NAB1: variants seen among roughly 807,000 people sequenced by gnomAD.
NAB1 encodes NGFI-A-binding protein 1.
A neutral mutation model predicts 49.9 loss-of-function variants in NAB1; 25 were observed. The observed-to-expected ratio is 0.50, with a 90% CI of 0.37 to 0.70. NAB1 has a LOEUF of 0.70. Ranked by LOEUF, NAB1 falls within the 30% of genes least tolerant of loss-of-function variation. The pLI is 0.00. For missense variants in NAB1, 489 were observed against 575.9 expected (o/e 0.85, Z 1.54); for synonymous variants, 198 against 215.6 (o/e 0.92, Z 0.71).
intron 4 of NAB1, among the ~76,000 whole-genome samples, chr2:190,665,192 G>A (rs1266813950): frequency 1.3e-5 from 2 of 151,878 alleles, no homozygotes; most frequent in East Asian, 1.9e-4. Flanking sequence ...GCGTGGTGGC[G>A]GGCACCTGTA....
In NAB1 at chr2:190,659,650, C is replaced by T. The variant is rs1694114877; in HGVS notation, c.474C>T (p.Ser158=). Reference sequence around the variant, plus strand: ...TAGCACTGCAGAGTGTTGGTGAGTCCAGACTCTGGCAAGGCCACCATGCCA... The same window carrying T: ...TAGCACTGCAGAGTGTTGGTGAGTCTAGACTCTGGCAAGGCCACCATGCCA... ...GSLALQSVGE[S]RLWQGHHATE... The change falls in exon 4 of 10, where the codon TCC becomes TCT. Residue 158 remains serine (S), a synonymous_variant. Transcript: ENST00000337386. This position sits in a 1 kb window ranked among gnomAD's most constrained non-coding sequence, Gnocchi z 6.2. 2 of 1,613,786 alleles carry T rather than the reference C, an allele frequency of 1.2e-6. No homozygotes were observed. The highest frequency in any genetic ancestry group is 1.1e-5 in the South Asian group (1 of 91,064).
rs1048671547 is a variant in NAB1, at chr2:190,691,880, C to G, written c.*1547C>G. ...AGATGAAATGTCTGCACTGTAGTCT[C>G]AGATCACTGTCACGTATATAAATTG... On this transcript the variant is annotated 3_prime_UTR_variant, in exon 10 of 10. Transcript: ENST00000337386. The surrounding 1 kb of genome is among the most constrained non-coding windows in gnomAD (Gnocchi z 4.1). 6.6e-6 allele frequency: 1 copy of G among 152,312 alleles called. No individual in the cohort carries two copies. Among genetic ancestry groups the G allele is most frequent in the African/African-American group, 2.4e-5 (1 of 41,442 alleles). 9.4% of individuals were successfully genotyped at this position (152,312 alleles called of 1,614,324 possible). A position where few individuals can be genotyped will look rare whatever the true frequency, so the allele number is the denominator to read the frequency against.
In NAB1 at chr2:190,692,489, A is replaced by G. The variant is rs575001022; in HGVS notation, c.*2156A>G. ...TAAACACTAATGTATTAAACTTGCT[A>G]TACATTAAAGCAAATAATATATATT... On this transcript the variant is annotated 3_prime_UTR_variant, in exon 10 of 10. Transcript: ENST00000337386. This position sits in a 1 kb window ranked among gnomAD's most constrained non-coding sequence, Gnocchi z 5.2. 27 of 152,782 alleles carry G rather than the reference A, an allele frequency of 1.8e-4. No individual in the cohort carries two copies. In the South Asian group the frequency reaches 5.6e-3, roughly 32 times the overall value. 9.5% of individuals were successfully genotyped at this position (152,782 alleles called of 1,614,324 possible). A position where few individuals can be genotyped will look rare whatever the true frequency, so the allele number is the denominator to read the frequency against.
intron 3 of NAB1, among the ~76,000 whole-genome samples, chr2:190,658,492 A>G (rs1694045585): frequency 6.6e-6 from 1 of 152,220 alleles, no homozygotes; most frequent in Admixed American, 6.5e-5. Flanking sequence ...GTCAATAAAG[A>G]GTAACTTCCT....
rs1289423864 is a variant in NAB1 at position 190,657,189 on chromosome 2, G to A, written c.-20+1036G>A. 1.3e-5 allele frequency among the ~76,000 whole-genome samples: 2 copies of A among 152,120 alleles called. No homozygotes were observed. The highest frequency in any genetic ancestry group is 2.4e-5 in the African/African-American group (1 of 41,436). On this transcript the variant is annotated intron_variant, in intron 3 of 9. Coordinates refer to ENST00000337386, the MANE Select transcript of NAB1 (RefSeq NM_005966.4). This position sits in a 1 kb window ranked among gnomAD's most constrained non-coding sequence, Gnocchi z 4.4. Reference sequence around the variant, plus strand: ...TAGTTTAATATAGCTCTAAACTTGGGTCTGTAACTCCTGAGAGCTCTGTTT... The same window carrying A: ...TAGTTTAATATAGCTCTAAACTTGGATCTGTAACTCCTGAGAGCTCTGTTT...
rs1422185394 is a variant in NAB1, at chr2:190,649,400, A to G, written c.-334+40A>G. On this transcript the variant is annotated intron_variant, in intron 1 of 9. Coordinates refer to ENST00000337386, the MANE Select transcript of NAB1 (RefSeq NM_005966.4). The surrounding 1 kb of genome is among the most constrained non-coding windows in gnomAD (Gnocchi z 6.1). ...GGACGGTCGCCACTCCCGGTCCGCC[A>G]AGTGCGGGACACTTTCGCGGCTGAG... 2 of 152,206 alleles carry G rather than the reference A, an allele frequency of 1.3e-5. No individual in the cohort carries two copies. The highest frequency in any genetic ancestry group is 6.5e-5 in the Admixed American group (1 of 15,278). The allele number at this position is 152,206 out of a possible 1,614,324, so 9.4% of individuals were successfully genotyped here. A position where few individuals can be genotyped will look rare whatever the true frequency, so the allele number is the denominator to read the frequency against.
chr2:190,664,798 A>G (rs1192687204), intron 4 of NAB1, among the ~76,000 whole-genome samples: 2 of 151,524 alleles, frequency 1.3e-5, no homozygotes, highest in African/African-American at 4.8e-5. Context: ...TTTTATATAT[A>G]TCTTTTATAA....
rs569096368 is a variant in NAB1, at chr2:190,690,446, A to G, written c.*113A>G. The G allele has an allele frequency of 3.1e-5, 25 of 809,328 alleles. No homozygotes were observed. The East Asian group carries it at 3.2e-4, about 10-fold the overall frequency. 50.1% of individuals were successfully genotyped at this position (809,328 alleles called of 1,614,324 possible). A position where few individuals can be genotyped will look rare whatever the true frequency, so the allele number is the denominator to read the frequency against. ...GCCTCATTCAGCTCAAACAGATTTCATAGCCAAAGCAAAAGGACTGGTACG... is the reference window on the plus strand; with the variant it reads ...GCCTCATTCAGCTCAAACAGATTTCGTAGCCAAAGCAAAAGGACTGGTACG... On this transcript the variant is annotated 3_prime_UTR_variant, in exon 10 of 10. Coordinates refer to ENST00000337386, the MANE Select transcript of NAB1 (RefSeq NM_005966.4).
rs1230389636 is a variant in NAB1, at chr2:190,678,711, G to A, written c.1006-5027G>A. 6.6e-6 allele frequency among the ~76,000 whole-genome samples: 1 copy of A among 152,184 alleles called. No homozygotes were observed. The highest frequency in any genetic ancestry group is 1.5e-5 in the Non-Finnish European group (1 of 68,038). ...GGGAGAGCAAGGAAGGGGGAGGAAA[G>A]AGGTTCAGAATATCCACCTACGCTG... On this transcript the variant is annotated intron_variant, in intron 6 of 9. Coordinates refer to ENST00000337386, the MANE Select transcript of NAB1 (RefSeq NM_005966.4). The surrounding 1 kb of genome is among the most constrained non-coding windows in gnomAD (Gnocchi z 4.9).
chr2:190,661,030 C>A (rs1694197908), intron 4 of NAB1, among the ~76,000 whole-genome samples: 1 of 151,714 alleles, frequency 6.6e-6, no homozygotes, highest in Admixed American at 6.6e-5. Flanking sequence ...AGGGTTCAAG[C>A]AGTCCTCCCT....
Position 190,659,022 on chromosome 2 carries a change from A to C in NAB1, c.-19-136A>C, listed in dbSNP as rs1694078173. ...TCAGAATGAGATAAAGTATGTAGAGAGAATGCTGCCTTCACAGGCAGTCAC... is the reference window on the plus strand; with the variant it reads ...TCAGAATGAGATAAAGTATGTAGAGCGAATGCTGCCTTCACAGGCAGTCAC... On this transcript the variant is annotated intron_variant, in intron 3 of 9. Transcript: ENST00000337386. The surrounding 1 kb of genome is among the most constrained non-coding windows in gnomAD (Gnocchi z 6.2). 1 of 613,204 alleles carries C rather than the reference A, an allele frequency of 1.6e-6. No homozygotes were observed. The highest frequency in any genetic ancestry group is 1.8e-5 in the African/African-American group (1 of 54,248). The allele number at this position is 613,204 out of a possible 1,614,324, so 38.0% of individuals were successfully genotyped here.
Position 190,677,993 on chromosome 2 carries a change from C to G in NAB1, c.1005+4841C>G, listed in dbSNP as rs1287455948. Among the ~76,000 whole-genome samples, 1 of 152,042 alleles carries G rather than the reference C, an allele frequency of 6.6e-6. No homozygotes were observed. On this transcript the variant is annotated intron_variant, in intron 6 of 9. Coordinates refer to ENST00000337386, the MANE Select transcript of NAB1 (RefSeq NM_005966.4). This position sits in a 1 kb window ranked among gnomAD's most constrained non-coding sequence, Gnocchi z 5.6. ...ATGGTGGCAGTTATTATTTTCTAAT[C>G]CAAGAAATGTTATGTAGTAAACAGT...
intron 4 of NAB1, among the ~76,000 whole-genome samples, chr2:190,665,252 G>T: frequency 6.6e-6 from 1 of 151,850 alleles, no homozygotes; most frequent in Non-Finnish European, 1.5e-5. Context: ...GAACCTGGGA[G>T]GCGGAGCTTG....
chr2:190,660,102 C>A, intron 4 of NAB1, 107 bp downstream of exon 4: 1 of 983,814 alleles, frequency 1.0e-6, no homozygotes, highest in Non-Finnish European at 1.5e-6. Context: ...TACCTGAAAG[C>A]AGTATTAAAA....
In NAB1 at chr2:190,685,748, C is replaced by A; in HGVS notation, c.1258+110C>A. On this transcript the variant is annotated intron_variant, in intron 8 of 9. Coordinates refer to ENST00000337386, the MANE Select transcript of NAB1 (RefSeq NM_005966.4). The surrounding 1 kb of genome is among the most constrained non-coding windows in gnomAD (Gnocchi z 4.5). ...ATGATATTTTGTAGAGATTATTTTA[C>A]AGGTTCTCTTATCAAAATTATTTTT... 1.2e-6 allele frequency: 1 copy of A among 863,352 alleles called. No homozygotes were observed. Among genetic ancestry groups the A allele is most frequent in the Non-Finnish European group, 1.6e-6 (1 of 630,974 alleles). 53.5% of individuals were successfully genotyped at this position (863,352 alleles called of 1,614,324 possible).
chr2:190,683,693 T>A, intron 6 of NAB1, 45 bp from the exon 7 acceptor site: 1 of 1,370,030 alleles, frequency 7.3e-7, no homozygotes, highest in Admixed American at 2.1e-5. Flanking sequence ...AATATTTTAT[T>A]ATTTACAAAC....
Position 190,680,518 on chromosome 2 carries a change from T to C in NAB1, c.1006-3220T>C, listed in dbSNP as rs1353836277. 1.3e-5 allele frequency among the ~76,000 whole-genome samples: 2 copies of C among 152,216 alleles called. No individual in the cohort carries two copies. The highest frequency in any genetic ancestry group is 4.8e-5 in the African/African-American group (2 of 41,458). ...TCTCCGTCCATTTCCCTCCCTGGAC[T>C]GTGTTGTCAGGAGCGCCTGAGGCAT... On this transcript the variant is annotated intron_variant, in intron 6 of 9. Transcript: ENST00000337386. The surrounding 1 kb of genome is among the most constrained non-coding windows in gnomAD (Gnocchi z 5.2).
At position 190,678,905 on chromosome 2, in the gene NAB1, A is replaced by T. The variant is rs1695199479; in HGVS notation, c.1006-4833A>T. On this transcript the variant is annotated intron_variant, in intron 6 of 9. Coordinates refer to ENST00000337386, the MANE Select transcript of NAB1 (RefSeq NM_005966.4). This position sits in a 1 kb window ranked among gnomAD's most constrained non-coding sequence, Gnocchi z 4.9. ...ACATCTGCTGTAACAAGTCATCTAG[A>T]GACAGCTAAGCAGTGGCTTTAAAGC... Among the ~76,000 whole-genome samples the T allele has an allele frequency of 6.6e-6, 1 of 152,256 alleles. No homozygotes were observed. Among genetic ancestry groups the T allele is most frequent in the South Asian group, 2.1e-4 (1 of 4,838 alleles).
intron 9 of NAB1, among the ~76,000 whole-genome samples, chr2:190,688,774 C>T (rs1695752999): frequency 6.6e-6 from 1 of 151,282 alleles, no homozygotes; most frequent in Admixed American, 6.6e-5. Flanking sequence ...TTCTTTCTTT[C>T]TTCCTTTCCT....
Sources: gnomAD v4.1 joint callset for allele counts (sites outside exome capture counted in the v4.1 genomes callset) on GRCh38, gnomAD v4.1.1 for gene constraint, Gnocchi (gnomAD v3.1) non-coding constraint, MANE v1.5 for transcripts, NCBI Gene and HGNC (gene_info 2026-07-23, HGNC 2026-07-21) for gene names.